SCN8A: variants seen among roughly 807,000 people sequenced by gnomAD.
SCN8A encodes the protein sodium voltage-gated channel alpha subunit 8, also known as sodium channel protein type 8 subunit alpha.
In SCN8A, 30 loss-of-function variants were observed where a neutral mutation model predicts 184.1. The observed-to-expected ratio is 0.16, with a 90% CI of 0.12 to 0.22. The LOEUF (loss-of-function observed/expected upper bound fraction) is 0.22. Ranked by LOEUF, SCN8A falls within the 10% of genes least tolerant of loss-of-function variation. SCN8A has a pLI of 1.00. For synonymous variants in SCN8A, 852 were observed against 907.0 expected (o/e 0.94, Z 1.09); for missense variants, 1,057 against 2,498.9 (o/e 0.42, Z 12.30).
intron 20 of SCN8A, among the ~76,000 whole-genome samples, chr12:51,779,381 G>GTAAC (rs1199912762): frequency 3.9e-5 from 6 of 152,210 alleles, no homozygotes; most frequent in Non-Finnish European, 8.8e-5. Context: ...AAGCATCGTG[G>GTAAC]TAACTGCTCT....
intron 14 of SCN8A, among the ~76,000 whole-genome samples, chr12:51,756,102 C>T (rs549719110): frequency 6.6e-6 from 1 of 152,240 alleles, no homozygotes; most frequent in South Asian, 2.1e-4. Context: ...GCATGGACAT[C>T]CTTCTCACCC....
intron 14 of SCN8A, among the ~76,000 whole-genome samples, chr12:51,756,561 A>G (rs1184105441): frequency 1.3e-5 from 2 of 152,140 alleles, no homozygotes; most frequent in Non-Finnish European, 2.9e-5. Flanking sequence ...TCCTCCCACC[A>G]CACTTGGGCC....
At chr12:51,677,244 C>T (rs950352714) in intron 2 of SCN8A, among the ~76,000 whole-genome samples, 2 of 151,946 alleles carry the variant, frequency 1.3e-5, no homozygotes, top group Non-Finnish European at 2.9e-5. Context: ...GCCACCATTC[C>T]CAGCAAATTT....
intron 1 of SCN8A, among the ~76,000 whole-genome samples, chr12:51,634,369 G>C (rs945343821): frequency 6.6e-6 from 1 of 152,138 alleles, no homozygotes; most frequent in African/African-American, 2.4e-5. Context: ...GTATGGAAAA[G>C]AATTATACAG....
chr12:51,737,520 G>A (rs796557093), intron 12 of SCN8A, among the ~76,000 whole-genome samples: 4 of 152,292 alleles, frequency 2.6e-5, no homozygotes, highest in Middle Eastern at 3.4e-3. Context: ...AGAGCAGGTC[G>A]TATCCAATTA....
At chr12:51,713,294 C>G (rs1372370419) in intron 11 of SCN8A, 5 of 1,120,560 alleles carry the variant, frequency 4.5e-6, no homozygotes, top group Non-Finnish European at 6.8e-6. Flanking sequence ...TTTGGTTCCA[C>G]TACATGCCCA....
At chr12:51,751,766 A>G (rs993819549) in intron 14 of SCN8A, among the ~76,000 whole-genome samples, 173 bp downstream of exon 14, 1 of 152,176 alleles carries the variant, frequency 6.6e-6, no homozygotes, top group East Asian at 1.9e-4. Context: ...CACTGTTGTG[A>G]TCCCTTTCCT....
Position 51,721,761 on chromosome 12 carries a change from C to T in SCN8A, c.1851C>T (p.Tyr617=), listed in dbSNP as rs201848186. 2 of 1,609,284 alleles carry T rather than the reference C, an allele frequency of 1.2e-6. No individual in the cohort carries two copies. The highest frequency in any genetic ancestry group is 3.4e-5 in the Admixed American group (2 of 59,616). Residue 617 remains tyrosine, a synonymous_variant, in exon 12 of 27, where the codon TAC becomes TAT. Transcript: ENST00000627620. The part of the protein sequence containing the change: ...ARERRSSYSG[Y]SGYSQGSRSS... Reference sequence around the variant, plus strand: ...AGCGCCGGAGCAGCTACAGCGGCTACAGCGGCTACAGCCAGGGCAGCCGCT... The same window carrying T: ...AGCGCCGGAGCAGCTACAGCGGCTATAGCGGCTACAGCCAGGGCAGCCGCT...
chr12:51,755,088 A>G (rs1048717183), intron 14 of SCN8A, among the ~76,000 whole-genome samples: 1 of 152,240 alleles, frequency 6.6e-6, no homozygotes, highest in East Asian at 1.9e-4. Flanking sequence ...GCCAGTTGAT[A>G]TAAACAAGAG....
intron 11 of SCN8A, among the ~76,000 whole-genome samples, chr12:51,711,068 C>CA (rs1414996446): frequency 6.6e-6 from 1 of 152,218 alleles, no homozygotes; most frequent in East Asian, 1.9e-4. Context: ...ATCTCTATCT[C>CA]ACCTTCACCT....
chr12:51,694,510 A>G (rs1266755173), intron 6 of SCN8A, among the ~76,000 whole-genome samples: 1 of 152,150 alleles, frequency 6.6e-6, no homozygotes, highest in Non-Finnish European at 1.5e-5. Flanking sequence ...CCTGTGGTAA[A>G]TGTATTAACT....
intron 1 of SCN8A, among the ~76,000 whole-genome samples, chr12:51,638,161 T>C (rs1018446305): frequency 2.6e-5 from 4 of 152,144 alleles, no homozygotes; most frequent in Non-Finnish European, 4.4e-5. Context: ...TTTCAACATA[T>C]TAATACTCAT....
intron 2 of SCN8A, among the ~76,000 whole-genome samples, chr12:51,667,088 A>G (rs1327277075): frequency 1.3e-5 from 2 of 152,190 alleles, no homozygotes; most frequent in East Asian, 1.9e-4. Context: ...TTTTAAATTC[A>G]GTTTTTAAAA....
intron 12 of SCN8A, among the ~76,000 whole-genome samples, chr12:51,740,710 C>A (rs1466984520): frequency 6.6e-6 from 1 of 152,076 alleles, no homozygotes; most frequent in Middle Eastern, 3.2e-3. Flanking sequence ...TCCAGTGTTT[C>A]TTTGTTGATT....
At chr12:51,797,599 T>G (rs1458776249) in intron 26 of SCN8A, among the ~76,000 whole-genome samples, 1 of 152,178 alleles carries the variant, frequency 6.6e-6, no homozygotes, top group African/African-American at 2.4e-5. Context: ...GCATTTGTAG[T>G]CCTACCTGGA....
chr12:51,664,741 G>A (rs1416689696), intron 2 of SCN8A, among the ~76,000 whole-genome samples: 1 of 151,726 alleles, frequency 6.6e-6, no homozygotes, highest in Non-Finnish European at 1.5e-5. Flanking sequence ...TGTATTTTAA[G>A]TTCAGGGGTA....
chr12:51,806,903 G>T lies in SCN8A; in HGVS notation c.5417G>T (p.Cys1806Phe). The T allele has an allele frequency of 1.9e-6, 3 of 1,613,424 alleles. No homozygotes were observed. The highest frequency in any genetic ancestry group is 2.5e-6 in the Non-Finnish European group (3 of 1,179,448). The change falls in exon 27 of 27, where the codon TGT becomes TTT. Residue 1806 changes from cysteine to phenylalanine, a missense_variant. Transcript: ENST00000627620. The surrounding 1 kb of genome is among the most constrained non-coding windows in gnomAD (Gnocchi z 8.7). ...DPDATQFIEY[C>F]KLADFADALE... ...GATGCCACCCAGTTCATTGAGTACT[G>T]TAAGCTGGCAGACTTTGCAGATGCC...
At chr12:51,776,811 G>A (rs1026049708) in intron 20 of SCN8A, among the ~76,000 whole-genome samples, 1 of 152,224 alleles carries the variant, frequency 6.6e-6, no homozygotes, top group African/African-American at 2.4e-5. Flanking sequence ...CTGGTGACTT[G>A]ATGTCTGAGT....
In SCN8A at chr12:51,721,106, T is replaced by TATATATATATATATATATATAA. The variant is rs1179556945; in HGVS notation, c.1636-439_1636-438insTATATATATATATATATATAAA. 1.1e-3 allele frequency among the ~76,000 whole-genome samples: 114 copies of TATATATATATATATATATATAA among 106,102 alleles called. 2 individuals carry two copies. The highest frequency in any genetic ancestry group is 4.2e-3 in the African/African-American group (109 of 25,822). The allele number at this position is 106,102 out of a possible 152,430, so 69.6% of individuals were successfully genotyped here. A position where few individuals can be genotyped will look rare whatever the true frequency, so the allele number is the denominator to read the frequency against. On this transcript the variant is annotated intron_variant, in intron 11 of 26. Coordinates refer to ENST00000627620, the MANE Select transcript of SCN8A (RefSeq NM_001330260.2). ...TTATATATATATATATATATATATA[T>TATATATATATATATATATATAA]AATATTTATTTATTGTTATATATAT...
Sources: gnomAD v4.1 joint callset for allele counts (sites outside exome capture counted in the v4.1 genomes callset) on GRCh38, gnomAD v4.1.1 for gene constraint, Gnocchi (gnomAD v3.1) non-coding constraint, MANE v1.5 for transcripts, NCBI Gene and HGNC (gene_info 2026-07-23, HGNC 2026-07-21) for gene names.